ASAP1: variants seen among roughly 807,000 people sequenced by gnomAD.
ASAP1 encodes the protein arf-GAP with SH3 domain, ANK repeat and PH domain-containing protein 1.
ASAP1 carries 43 observed loss-of-function variants against 145.2 expected under a neutral mutation model. The observed-to-expected ratio is 0.30, with a 90% CI of 0.23 to 0.38. The LOEUF is 0.38. Among genes scored for constraint, ASAP1 ranks in the 10% least tolerant of loss-of-function variants. ASAP1 has a pLI of 1.00. For synonymous variants in ASAP1, 546 were observed against 515.5 expected (o/e 1.06, Z -0.80); for missense variants, 1,018 against 1,355.3 (o/e 0.75, Z 3.91).
Position 130,106,658 on chromosome 8 carries a change from T to A in ASAP1, c.2401+5436A>T, listed in dbSNP as rs1302115217. Among the ~76,000 whole-genome samples, 3 of 152,252 alleles carry A rather than the reference T, an allele frequency of 2.0e-5. No homozygotes were observed. In the East Asian group the frequency reaches 5.8e-4, roughly 29 times the overall value. On this transcript the variant is annotated intron_variant, in intron 24 of 29. Coordinates refer to ENST00000518721, the MANE Select transcript of ASAP1 (RefSeq NM_018482.4). ...TTTCACTGATTCTTTCTGCTGTTGT[T>A]TATGCATCTGACGAGTACTGACGAG...
chr8:130,084,578 G>A (rs920248233), intron 25 of ASAP1: 2 of 152,190 alleles, frequency 1.3e-5, no homozygotes, highest in African/African-American at 4.8e-5. Context: ...GCAGCGAATG[G>A]CCAGGTTGCT....
At chr8:130,094,566 ACTAACT>A (rs1297695867) in intron 24 of ASAP1, among the ~76,000 whole-genome samples, 3 of 152,144 alleles carry the variant, frequency 2.0e-5, no homozygotes, top group Non-Finnish European at 4.4e-5. Flanking sequence ...TCATTTTCAT[ACTAACT>A]CTGTGAAGTA....
rs145190511 is a variant in ASAP1, at chr8:130,222,110, T to C, written c.260-7409A>G. Among the ~76,000 whole-genome samples, 12 of 152,292 alleles carry C rather than the reference T, an allele frequency of 7.9e-5. No individual in the cohort carries two copies. The South Asian group carries it at 1.2e-3, about 16-fold the overall frequency. On this transcript the variant is annotated intron_variant, in intron 4 of 29. Transcript: ENST00000518721. Reference sequence around the variant, plus strand: ...GCTGAAGAGTTTATATCCCTAGGCGTTGGCAATAACAAGTACCTTAGGAAT... The same window carrying C: ...GCTGAAGAGTTTATATCCCTAGGCGCTGGCAATAACAAGTACCTTAGGAAT...
At chr8:130,236,502 C>T (rs879310939) in intron 4 of ASAP1, among the ~76,000 whole-genome samples, 1 of 152,042 alleles carries the variant, frequency 6.6e-6, no homozygotes, top group Non-Finnish European at 1.5e-5. Flanking sequence ...TTTGCCCCCT[C>T]CTCTCTAACT....
chr8:130,131,122 A>G (rs2097582316), intron 15 of ASAP1, among the ~76,000 whole-genome samples: 1 of 151,836 alleles, frequency 6.6e-6, no homozygotes, highest in African/African-American at 2.4e-5. Flanking sequence ...GCGCCACTGC[A>G]CTCCAGCCTG....
At chr8:130,165,357 C>CA (rs540184399) in intron 11 of ASAP1, among the ~76,000 whole-genome samples, 82 of 152,156 alleles carry the variant, frequency 5.4e-4, no homozygotes, top group African/African-American at 1.6e-3. Context: ...AAAAAAACCC[C>CA]AAAAAACCTC....
chr8:130,205,257 C>T (rs74394409), intron 5 of ASAP1, among the ~76,000 whole-genome samples: 15,579 of 151,918 alleles, frequency 0.1, 939 homozygotes, highest in South Asian at 0.27. Context: ...ACACATATCG[C>T]GTGCATACAC....
At chr8:130,415,538 AG>A (rs1252918037) in intron 1 of ASAP1, among the ~76,000 whole-genome samples, 2 of 152,202 alleles carry the variant, frequency 1.3e-5, no homozygotes, top group East Asian at 3.8e-4. Flanking sequence ...CTGTAATCCC[AG>A]CACTTTGGGA....
chr8:130,112,773 C>T (rs1488066043), intron 23 of ASAP1, among the ~76,000 whole-genome samples: 1 of 152,150 alleles, frequency 6.6e-6, no homozygotes, highest in Non-Finnish European at 1.5e-5. Context: ...GCAAAGTAAA[C>T]GGATTCACAC....
chr8:130,173,523 T>TG (rs1273354014), intron 9 of ASAP1, among the ~76,000 whole-genome samples: 3 of 152,092 alleles, frequency 2.0e-5, no homozygotes, highest in Admixed American at 1.3e-4. Flanking sequence ...ACCAGCACTT[T>TG]GGGGGGCCAA....
chr8:130,440,932 T>C (rs1231801765), intron 1 of ASAP1, among the ~76,000 whole-genome samples: 1 of 152,232 alleles, frequency 6.6e-6, no homozygotes, highest in Non-Finnish European at 1.5e-5. Context: ...TGTTAGAGGT[T>C]GTTTCTTCTG....
intron 3 of ASAP1, among the ~76,000 whole-genome samples, chr8:130,278,782 A>G (rs1586741470): frequency 6.6e-6 from 1 of 152,166 alleles, no homozygotes; most frequent in Non-Finnish European, 1.5e-5. Context: ...TTTCTGGGCC[A>G]CCCAACATCT....
chr8:130,378,434 C>G (rs1457010426), intron 2 of ASAP1, among the ~76,000 whole-genome samples: 1 of 152,210 alleles, frequency 6.6e-6, no homozygotes, highest in African/African-American at 2.4e-5. Context: ...AGCAGGATGG[C>G]TGGCAAAGGA....
intron 25 of ASAP1, chr8:130,082,708 T>C (rs972984196): frequency 1.4e-5 from 2 of 140,190 alleles, no homozygotes; most frequent in African/African-American, 5.3e-5. Flanking sequence ...CAAGGTCTCA[T>C]TACTAATTTT....
At chr8:130,137,113 C>T in intron 13 of ASAP1, 75 bp from the exon 14 acceptor site, 3 of 1,252,970 alleles carry the variant, frequency 2.4e-6, no homozygotes, top group Non-Finnish European at 3.5e-6. Flanking sequence ...CCCTGTAGGG[C>T]AGGTATGCTG....
intron 1 of ASAP1, among the ~76,000 whole-genome samples, chr8:130,433,884 G>C (rs558376694): frequency 1.3e-5 from 2 of 152,346 alleles, no homozygotes; most frequent in African/African-American, 4.8e-5. Flanking sequence ...GGCAGGCTAA[G>C]AGAAAGGCTA....
intron 4 of ASAP1, among the ~76,000 whole-genome samples, 180 bp from the exon 5 acceptor site, chr8:130,214,881 AG>A (rs1816801420): frequency 6.6e-6 from 1 of 152,066 alleles, no homozygotes; most frequent in African/African-American, 2.4e-5. Flanking sequence ...CACTCTACTA[AG>A]GAAGATTTTC....
chr8:130,315,655 C>T (rs2137592661), intron 3 of ASAP1, among the ~76,000 whole-genome samples: 1 of 152,312 alleles, frequency 6.6e-6, no homozygotes, highest in Admixed American at 6.5e-5. Context: ...GCAGGGTCCC[C>T]TGCTTCCCAA....
intron 11 of ASAP1, chr8:130,160,817 A>AGGGGT: frequency 7.8e-7 from 1 of 1,281,620 alleles, no homozygotes. Context: ...GGGCAAAAGA[A>AGGGGT]ACAGAGAAAA....
Sources: gnomAD v4.1 joint callset for allele counts (sites outside exome capture counted in the v4.1 genomes callset) on GRCh38, gnomAD v4.1.1 for gene constraint, MANE v1.5 for transcripts, NCBI Gene and HGNC (gene_info 2026-07-23, HGNC 2026-07-21) for gene names.